Variants in POU6F2 observed in about 807,000 individuals in gnomAD.
POU6F2 encodes the protein POU domain, class 6, transcription factor 2.
Under a neutral mutation model 71.3 loss-of-function variants are expected in POU6F2, and 31 were observed. The ratio of observed to expected loss-of-function variants is 0.43; its 90% CI spans 0.33 to 0.59. The LOEUF is 0.59. POU6F2 is among the 20% of genes least tolerant of loss of function. The pLI, the probability that POU6F2 is intolerant of heterozygous loss-of-function variation, is 0.04. For missense variants in POU6F2, 783 were observed against 856.8 expected (o/e 0.91, Z 1.07); for synonymous variants, 347 against 355.7 (o/e 0.98, Z 0.27).
At chr7:39,362,922 G>A (rs1190031196) in intron 5 of POU6F2, among the ~76,000 whole-genome samples, 6 of 152,236 alleles carry the variant, frequency 3.9e-5, no homozygotes, top group South Asian at 2.1e-4. Flanking sequence ...CAGCAAGACC[G>A]GTACAAAGTG....
At chr7:39,129,628 G>T (rs542317609) in intron 2 of POU6F2, among the ~76,000 whole-genome samples, 151 of 42,388 alleles carry the variant, frequency 3.6e-3, no homozygotes, top group African/African-American at 8.6e-3. Flanking sequence ...TAGATATATA[G>T]ATAGATAGAT....
chr7:39,063,465 T>G (rs1790697772), intron 1 of POU6F2, among the ~76,000 whole-genome samples: 2 of 152,164 alleles, frequency 1.3e-5, no homozygotes, highest in African/African-American at 4.8e-5. Context: ...ACTGGCAAAT[T>G]AAACCAATGT....
intron 2 of POU6F2, among the ~76,000 whole-genome samples, chr7:39,150,686 T>C (rs1237829047): frequency 6.6e-6 from 1 of 151,964 alleles, no homozygotes; most frequent in African/African-American, 2.4e-5. Flanking sequence ...CAGGCTGGTC[T>C]CGAACTCCTG....
chr7:39,292,827 T>G (rs1247063249), intron 4 of POU6F2, among the ~76,000 whole-genome samples: 1 of 152,154 alleles, frequency 6.6e-6, no homozygotes, highest in East Asian at 1.9e-4. Flanking sequence ...TTAAGCTGTT[T>G]TCCTCATCTA....
At chr7:39,036,511 G>GT (rs912545553) in intron 1 of POU6F2, among the ~76,000 whole-genome samples, 1 of 151,872 alleles carries the variant, frequency 6.6e-6, no homozygotes, top group African/African-American at 2.4e-5. Flanking sequence ...AAGGCAGGAT[G>GT]TTTTTTTCTT....
chr7:39,232,394 T>A (rs1794593753), intron 4 of POU6F2, among the ~76,000 whole-genome samples: 1 of 152,192 alleles, frequency 6.6e-6, no homozygotes, highest in African/African-American at 2.4e-5. Flanking sequence ...ACACTGACTC[T>A]TGATGAATGA....
At chr7:39,371,061 G>A (rs988476749) in intron 5 of POU6F2, among the ~76,000 whole-genome samples, 7 of 152,188 alleles carry the variant, frequency 4.6e-5, no homozygotes, top group Non-Finnish European at 1.0e-4. Context: ...AAGGAATACA[G>A]TTCTCCTCTG....
chr7:39,280,351 A>G (rs770424641), intron 4 of POU6F2, among the ~76,000 whole-genome samples: 7 of 152,208 alleles, frequency 4.6e-5, no homozygotes, highest in Admixed American at 3.3e-4. Flanking sequence ...GTGTTCAACC[A>G]AGGAAACACA....
chr7:39,038,891 C>A (rs748734324), intron 1 of POU6F2, among the ~76,000 whole-genome samples: 1 of 151,670 alleles, frequency 6.6e-6, no homozygotes. Flanking sequence ...CTCCTTCTGT[C>A]GACAGGGAAT....
intron 1 of POU6F2, among the ~76,000 whole-genome samples, chr7:39,080,030 C>A (rs1257682779): frequency 6.6e-6 from 1 of 152,052 alleles, no homozygotes; most frequent in Non-Finnish European, 1.5e-5. Context: ...CTTTGATCTT[C>A]CCAAATTTTC....
chr7:39,440,742 A>C (rs1228492376), intron 7 of POU6F2, among the ~76,000 whole-genome samples: 1 of 152,136 alleles, frequency 6.6e-6, no homozygotes, highest in Non-Finnish European at 1.5e-5. Context: ...TGTTGTGATC[A>C]TTTGGAGGAG....
chr7:39,091,477 TTTG>T (rs1299092132), intron 2 of POU6F2, among the ~76,000 whole-genome samples: 4 of 152,194 alleles, frequency 2.6e-5, no homozygotes, highest in Non-Finnish European at 5.9e-5. Context: ...ATTCTTATAT[TTTG>T]TTGTTGTCAT....
intron 1 of POU6F2, among the ~76,000 whole-genome samples, chr7:39,021,550 T>C (rs1789680184): frequency 6.6e-6 from 1 of 152,022 alleles, no homozygotes; most frequent in Non-Finnish European, 1.5e-5. Flanking sequence ...TTTCAAGAAT[T>C]CTTTCTTTGT....
chr7:39,335,934 C>G (rs924256483), intron 4 of POU6F2, among the ~76,000 whole-genome samples: 1 of 152,188 alleles, frequency 6.6e-6, no homozygotes. Flanking sequence ...GTGCCGGCAT[C>G]CTGGCCAAGG....
intron 2 of POU6F2, among the ~76,000 whole-genome samples, chr7:39,147,741 C>T (rs1792652294): frequency 6.6e-6 from 1 of 152,102 alleles, no homozygotes; most frequent in Non-Finnish European, 1.5e-5. Flanking sequence ...CAGAGGAAAT[C>T]AACTTCTCTC....
intron 1 of POU6F2, among the ~76,000 whole-genome samples, chr7:38,997,592 A>G (rs538306893): frequency 1.3e-5 from 2 of 152,260 alleles, no homozygotes; most frequent in South Asian, 4.1e-4. Flanking sequence ...GATGACCTCT[A>G]GGGGATTACC....
chr7:39,209,927 C>G (rs1413425750), intron 4 of POU6F2, among the ~76,000 whole-genome samples: 1 of 152,188 alleles, frequency 6.6e-6, no homozygotes, highest in Non-Finnish European at 1.5e-5. Context: ...ATCTCATCCT[C>G]TCTCAAAGGT....
At chr7:39,452,029 A>T (rs555220474) in intron 8 of POU6F2, among the ~76,000 whole-genome samples, 7 of 152,228 alleles carry the variant, frequency 4.6e-5, no homozygotes, top group Non-Finnish European at 8.8e-5. Flanking sequence ...CATGAGCCAC[A>T]TAGCTCACAA....
intron 2 of POU6F2, among the ~76,000 whole-genome samples, chr7:39,155,215 C>T (rs2128735327): frequency 7.1e-6 from 1 of 141,498 alleles, no homozygotes; most frequent in South Asian, 2.2e-4. Flanking sequence ...GAAATAATTC[C>T]AAACAAATAT....
Sources: gnomAD v4.1 joint callset for allele counts (sites outside exome capture counted in the v4.1 genomes callset) on GRCh38, gnomAD v4.1.1 for gene constraint, MANE v1.5 for transcripts, NCBI Gene and HGNC (gene_info 2026-07-23, HGNC 2026-07-21) for gene names.